The following BCO2 variants were observed in gnomAD, a reference collection of about 807,000 sequenced individuals.
BCO2 encodes the protein carotenoid-cleaving dioxygenase, mitochondrial.
In BCO2, 56 loss-of-function variants were observed where a neutral mutation model predicts 65.8. That is an observed-to-expected ratio of 0.85 (90% confidence interval 0.69 to 1.06). The LOEUF is 1.06. Among genes scored for constraint, BCO2 ranks in the 50% least tolerant of loss-of-function variants. The pLI is 0.00. For missense variants in BCO2, 675 were observed against 698.5 expected (o/e 0.97, Z 0.38); for synonymous variants, 233 against 242.3 (o/e 0.96, Z 0.36).
In BCO2 at chr11:112,200,678, A is replaced by C. The variant is rs199747265; in HGVS notation, c.931A>C (p.Thr311Pro). 3 of 1,613,858 alleles carry C rather than the reference A, an allele frequency of 1.9e-6. No individual in the cohort carries two copies. Among genetic ancestry groups the C allele is most frequent in the Non-Finnish European group, 2.5e-6 (3 of 1,179,876 alleles). ...PLKMNLWKIA[T>P]SKIRGKAFSD... ...AAAGATGAACCTGTGGAAAATTGCC[A>C]CTTCTAAAATTCGGGGAAAGGCCTT... is the stretch of plus-strand genomic sequence containing the variant. The change falls in exon 7 of 12, where the codon ACT becomes CCT. Residue 311 changes from threonine (T) to proline (P), a missense_variant. Thr to Pro is a conservative substitution (Grantham distance 38). Coordinates refer to ENST00000357685, the MANE Select transcript of BCO2 (RefSeq NM_031938.7).
At chr11:112,191,767 T>G (rs1052220975) in intron 2 of BCO2, among the ~76,000 whole-genome samples, 1 of 152,102 alleles carries the variant, frequency 6.6e-6, no homozygotes, top group Non-Finnish European at 1.5e-5. Flanking sequence ...GGTGCAAGAA[T>G]AGACCAATAG....
chr11:112,199,809 T>C lies in BCO2; in HGVS notation c.847T>C (p.Ser283Pro). The change falls in exon 6 of 12, where the codon TCT becomes CCT. Residue 283 changes from serine to proline, a missense_variant. Ser to Pro is a moderately conservative substitution (Grantham distance 74). Transcript: ENST00000357685. The stretch of plus-strand genomic sequence containing the variant: ...TGCTTCTACAGAGAAAGGGAAACCT[T>C]CTTACTACCATAGCTTTGGTGAGTC... Reference protein sequence around the residue: ...SIASTEKGKPSYYHSFGMTRN... With the variant: ...SIASTEKGKPPYYHSFGMTRN... 6.2e-7 allele frequency: 1 copy of C among 1,614,076 alleles called. No individual in the cohort carries two copies. The highest frequency in any genetic ancestry group is 1.1e-5 in the South Asian group (1 of 91,078).
chr11:112,191,539 A>T (rs1176712350), intron 2 of BCO2, among the ~76,000 whole-genome samples: 3 of 152,202 alleles, frequency 2.0e-5, no homozygotes, highest in Non-Finnish European at 2.9e-5. Context: ...GAGATGTCCC[A>T]GTTCTCCTGA....
chr11:112,183,558 A>G (rs1592836805), intron 2 of BCO2, among the ~76,000 whole-genome samples: 1 of 152,372 alleles, frequency 6.6e-6, no homozygotes, highest in East Asian at 1.9e-4. Flanking sequence ...ATTTTAATTT[A>G]TGGAAAGCAC....
chr11:112,218,519 TG>T lies in BCO2; in HGVS notation c.*647del. 3.6e-6 allele frequency: 1 copy of T among 277,720 alleles called. No individual in the cohort carries two copies. The highest frequency in any genetic ancestry group is 4.1e-5 in the South Asian group (1 of 24,630). The allele number at this position is 277,720 out of a possible 1,614,324, so 17.2% of individuals were successfully genotyped here. On this transcript the variant is annotated 3_prime_UTR_variant, in exon 12 of 12. Coordinates refer to ENST00000357685, the MANE Select transcript of BCO2 (RefSeq NM_031938.7). Reference sequence around the variant, plus strand: ...AATGAGCCTATGTATGTCAAGTTGGTGGAGTCCCATGGTGCTGAACACCAAC... The same window carrying T: ...AATGAGCCTATGTATGTCAAGTTGGTGAGTCCCATGGTGCTGAACACCAAC...
At position 112,179,066 on chromosome 11, in the gene BCO2, T is replaced by C. The variant is rs549287044; in HGVS notation, c.89-212T>C. On this transcript the variant is annotated intron_variant, in intron 1 of 11. Transcript: ENST00000357685. ...TTAGGCAGATTAGTACTACAAAAAA[T>C]AGAAGAATTGTTGTGGGTTGAAAAT... 2.0e-5 allele frequency among the ~76,000 whole-genome samples: 3 copies of C among 152,226 alleles called. No individual in the cohort carries two copies. In the South Asian group the frequency reaches 6.2e-4, roughly 32 times the overall value.
intron 10 of BCO2, 197 bp from the exon 11 acceptor site, chr11:112,216,023 G>A (rs1350693109): frequency 8.7e-6 from 5 of 574,264 alleles, no homozygotes; most frequent in Non-Finnish European, 1.6e-5. Context: ...CTATTCATGA[G>A]GGACTGGCCC....
chr11:112,203,737 A>G (rs2135383996), intron 8 of BCO2, among the ~76,000 whole-genome samples: 1 of 152,274 alleles, frequency 6.6e-6, no homozygotes, highest in South Asian at 2.1e-4. Flanking sequence ...TTTGAGCTAC[A>G]TCTTGTCTTT....
chr11:112,181,255 C>T, intron 2 of BCO2: 1 of 606,500 alleles, frequency 1.6e-6, no homozygotes, highest in Non-Finnish European at 2.9e-6. Context: ...GATCTCGGCT[C>T]ACTGCAAGCT....
In BCO2 at chr11:112,194,859, G is replaced by C; in HGVS notation, c.736+104G>C. On this transcript the variant is annotated intron_variant, in intron 5 of 11. Transcript: ENST00000357685. The stretch of plus-strand genomic sequence containing the variant: ...TGTTTTTTACTGGCACAAGTAGAGA[G>C]AGGGTGCTCTGGACACCTCTACACC... 3 of 730,924 alleles carry C rather than the reference G, an allele frequency of 4.1e-6. No individual in the cohort carries two copies. In the South Asian group the frequency reaches 5.3e-5, roughly 13 times the overall value. 45.3% of individuals were successfully genotyped at this position (730,924 alleles called of 1,614,324 possible).
rs983606526 is a variant in BCO2, at chr11:112,175,817, G to T, written c.88+128G>T. ...TTTGTGTCCTGTGTGGCTCAGATGA[G>T]ATAGCAATTCCGCAGAGTCCTGGAA... On this transcript the variant is annotated intron_variant, in intron 1 of 11. Coordinates refer to ENST00000357685, the MANE Select transcript of BCO2 (RefSeq NM_031938.7). The T allele has an allele frequency of 6.8e-6, 5 of 732,836 alleles. No individual in the cohort carries two copies. In the South Asian group the frequency reaches 8.3e-5, roughly 12 times the overall value. 45.4% of individuals were successfully genotyped at this position (732,836 alleles called of 1,614,324 possible).
intron 7 of BCO2, 109 bp from the exon 8 acceptor site, chr11:112,201,914 A>G: frequency 1.1e-6 from 1 of 948,346 alleles, no homozygotes; most frequent in Non-Finnish European, 1.5e-6. Context: ...AGAGGGGAAA[A>G]TCTTTCTAAT....
intron 5 of BCO2, among the ~76,000 whole-genome samples, 189 bp from the exon 6 acceptor site, chr11:112,199,510 C>T (rs543845322): frequency 2.6e-5 from 4 of 152,114 alleles, no homozygotes; most frequent in Non-Finnish European, 5.9e-5. Flanking sequence ...AAAACGTTAG[C>T]TAATTATTTT....
At chr11:112,208,771 A>T (rs1248958418) in intron 8 of BCO2, 1 of 189,830 alleles carries the variant, frequency 5.3e-6, no homozygotes, top group Non-Finnish European at 1.2e-5. Context: ...TTCTAAGGGA[A>T]GTAAATTACT....
intron 2 of BCO2, among the ~76,000 whole-genome samples, chr11:112,192,151 A>G (rs1366672263): frequency 6.6e-6 from 1 of 152,180 alleles, no homozygotes; most frequent in Non-Finnish European, 1.5e-5. Flanking sequence ...AATACCTTAT[A>G]TAAGTGGATT....
Position 112,217,787 on chromosome 11 carries a change from G to T in BCO2, c.1653G>T (p.Leu551Phe). 6.2e-7 allele frequency: 1 copy of T among 1,613,232 alleles called. No homozygotes were observed. The highest frequency in any genetic ancestry group is 8.5e-7 in the Non-Finnish European group (1 of 1,179,522). The change falls in exon 12 of 12, where the codon TTG (leucine) becomes TTT (phenylalanine). Residue 551 changes from leucine to phenylalanine, a missense_variant. Physicochemically the swap from Leu to Phe is conservative, Grantham distance 22. Coordinates refer to ENST00000357685, the MANE Select transcript of BCO2 (RefSeq NM_031938.7). ...NQNESNFILV[L>F]DAKNFEELGR... ...ATGAAAGCAATTTTATCCTAGTTTTGGATGCCAAGAACTTTGAAGAGCTGG... is the reference window on the plus strand; with the variant it reads ...ATGAAAGCAATTTTATCCTAGTTTTTGATGCCAAGAACTTTGAAGAGCTGG...
chr11:112,191,979 T>G (rs767749825), intron 2 of BCO2, among the ~76,000 whole-genome samples: 7 of 152,186 alleles, frequency 4.6e-5, no homozygotes, highest in Admixed American at 2.0e-4. Flanking sequence ...AGTTAAGTAG[T>G]GTTAAGTATA....
Position 112,214,764 on chromosome 11 carries a change from C to T in BCO2, c.1335C>T (p.Ile445=). The part of the protein sequence containing the change: ...ASAVKQADGT[I]WCSHENLHQE... Reference sequence around the variant, plus strand: ...AATCCTTTTGAAATCTCTTTTAGATCTGGTGCTCTCATGAAAATCTACATC... The same window carrying T: ...AATCCTTTTGAAATCTCTTTTAGATTTGGTGCTCTCATGAAAATCTACATC... Residue 445 remains isoleucine (I), a splice_region_variant and synonymous_variant, in exon 10 of 12, where the codon ATC becomes ATT. Coordinates refer to ENST00000357685, the MANE Select transcript of BCO2 (RefSeq NM_031938.7). The T allele has an allele frequency of 6.2e-7, 1 of 1,611,882 alleles. No homozygotes were observed. The highest frequency in any genetic ancestry group is 8.5e-7 in the Non-Finnish European group (1 of 1,178,164).
At chr11:112,201,912 A>G in intron 7 of BCO2, 111 bp from the exon 8 acceptor site, 1 of 933,068 alleles carries the variant, frequency 1.1e-6, no homozygotes, top group African/African-American at 1.7e-5. Context: ...TCAGAGGGGA[A>G]AATCTTTCTA....
Sources: allele counts gnomAD v4.1 joint callset (sites outside exome capture counted in the v4.1 genomes callset), GRCh38; gene constraint gnomAD v4.1.1; transcripts MANE v1.5; gene names NCBI Gene and HGNC (gene_info 2026-07-23, HGNC 2026-07-21).